Variants in SH3RF2 observed in about 807,000 individuals in gnomAD.
SH3RF2 encodes the protein E3 ubiquitin-protein ligase SH3RF2.
A neutral mutation model predicts 59.0 loss-of-function variants in SH3RF2; 43 were observed. The ratio of observed to expected loss-of-function variants is 0.73; its 90% CI spans 0.57 to 0.94. The LOEUF is 0.94. Ranked by LOEUF, SH3RF2 falls within the 40% of genes least tolerant of loss-of-function variation. The pLI is 0.00. For synonymous variants in SH3RF2, 391 were observed against 391.5 expected, an observed-to-expected ratio of 1.00 and a Z score of 0.01; for missense variants, 930 against 940.1, an observed-to-expected ratio of 0.99 and a Z score of 0.14.
In SH3RF2 at chr5:146,059,534, G is replaced by A. The variant is rs145416656; in HGVS notation, c.1556-332G>A. On this transcript the variant is annotated intron_variant, in intron 8 of 9. Coordinates refer to ENST00000359120, the MANE Select transcript of SH3RF2 (RefSeq NM_152550.4). ...CTGCCTCTGTGTCTGCTTCACGCGC[G>A]CGTGTGTGTGTGTACGTGTGTGTGT... 2.0e-4 allele frequency among the ~76,000 whole-genome samples: 30 copies of A among 150,792 alleles called. No homozygotes were observed. The East Asian group carries it at 5.0e-3, about 25-fold the overall frequency.
intron 2 of SH3RF2, among the ~76,000 whole-genome samples, chr5:145,967,566 T>A (rs145915860): frequency 6.6e-6 from 1 of 152,238 alleles, no homozygotes; most frequent in South Asian, 2.1e-4. Flanking sequence ...TTGGTGCAGG[T>A]TCTTGACCAC....
downstream of SH3RF2, among the ~76,000 whole-genome samples, chr5:146,064,052 C>G (rs1046828241): frequency 6.6e-6 from 1 of 151,896 alleles, no homozygotes; most frequent in Admixed American, 6.6e-5. Context: ...CATGGCAGCC[C>G]GAGGCTGGGG....
rs146420727 is a variant in SH3RF2, at chr5:145,979,510, T to C, written c.379-20548T>C. Among the ~76,000 whole-genome samples the C allele has an allele frequency of 2.0e-5, 3 of 152,324 alleles. No homozygotes were observed. In the East Asian group the frequency reaches 5.8e-4, roughly 29 times the overall value. The stretch of plus-strand genomic sequence containing the variant: ...TAAGTTATCTTACTGCTCTAAGTAG[T>C]GGTGTGCTGGTAAATGTTTAACAAG... On this transcript the variant is annotated intron_variant, in intron 2 of 9. Transcript: ENST00000359120.
At chr5:145,962,990 T>C (rs1223997016) in intron 2 of SH3RF2, among the ~76,000 whole-genome samples, 1 of 149,266 alleles carries the variant, frequency 6.7e-6, no homozygotes, top group African/African-American at 2.5e-5. Context: ...CTCTGCCTCC[T>C]GGGTTCACAC....
chr5:145,993,975 T>G (rs556683184), intron 2 of SH3RF2, among the ~76,000 whole-genome samples: 1 of 152,344 alleles, frequency 6.6e-6, no homozygotes, highest in East Asian at 1.9e-4. Flanking sequence ...TTAGTTTCCC[T>G]TATAAAACTG....
chr5:146,001,634 A>G (rs151044903), intron 3 of SH3RF2, among the ~76,000 whole-genome samples: 9 of 152,330 alleles, frequency 5.9e-5, no homozygotes, highest in African/African-American at 2.2e-4. Context: ...AGGAAGTATC[A>G]TCGTCTGCCT....
intron 2 of SH3RF2, among the ~76,000 whole-genome samples, chr5:145,996,417 G>T (rs1210746394): frequency 1.3e-5 from 2 of 152,154 alleles, no homozygotes; most frequent in Non-Finnish European, 2.9e-5. Flanking sequence ...ACTGGAGTGA[G>T]GCCATTTCTA....
chr5:146,056,104 C>T lies in SH3RF2; in HGVS notation c.1446C>T (p.Phe482=). 6.2e-7 allele frequency: 1 copy of T among 1,614,244 alleles called. No homozygotes were observed. The highest frequency in any genetic ancestry group is 8.5e-7 in the Non-Finnish European group (1 of 1,180,048). The change falls in exon 8 of 10, where the codon TTC becomes TTT. Residue 482 remains phenylalanine, a synonymous_variant. Transcript: ENST00000359120. ...GTGATCCACGGCAAAGCCGTCCCTT[C>T]AAATCCGTCTTTGTGCCCACTGCCA... ...SEGDPRQSRP[F]KSVFVPTAIV...
chr5:146,017,221 CTGAG>C (rs528597976), intron 5 of SH3RF2, among the ~76,000 whole-genome samples: 16 of 152,300 alleles, frequency 1.1e-4, no homozygotes, highest in African/African-American at 3.6e-4. Flanking sequence ...CCTGAAGATA[CTGAG>C]TAAGTTCGGT....
chr5:146,012,812 G>A (rs1580858694), intron 4 of SH3RF2, among the ~76,000 whole-genome samples: 1 of 152,060 alleles, frequency 6.6e-6, no homozygotes. Context: ...GGACCTATAC[G>A]GTGGGGAAGA....
chr5:146,079,719 T>A (rs1042708996), exon 10 of SH3RF2: 4 of 152,194 alleles, frequency 2.6e-5, no homozygotes, highest in Non-Finnish European at 5.9e-5. Flanking sequence ...ATGCGATGAA[T>A]AATTTGGACT....
chr5:145,965,491 G>A (rs954142362), intron 2 of SH3RF2, among the ~76,000 whole-genome samples: 1 of 152,054 alleles, frequency 6.6e-6, no homozygotes, highest in African/African-American at 2.4e-5. Context: ...GGACTAGGGT[G>A]GGGCAATTTC....
intron 2 of SH3RF2, among the ~76,000 whole-genome samples, chr5:145,996,993 G>A (rs1342866731): frequency 6.6e-6 from 1 of 152,190 alleles, no homozygotes; most frequent in African/African-American, 2.4e-5. Context: ...AGTTATTAAT[G>A]TTATGTAGGT....
chr5:146,028,600 C>A (rs1217384663), intron 5 of SH3RF2, among the ~76,000 whole-genome samples: 1 of 79,462 alleles, frequency 1.3e-5, no homozygotes, highest in Non-Finnish European at 3.9e-5. Flanking sequence ...TAGCACCCAC[C>A]ACCACCACCC....
chr5:146,047,192 C>T (rs1181993440), intron 5 of SH3RF2, among the ~76,000 whole-genome samples: 1 of 98,184 alleles, frequency 1.0e-5, no homozygotes, highest in East Asian at 2.8e-4. Flanking sequence ...TAGCAATAGT[C>T]AATAATAAGA....
At chr5:146,016,436 T>C (rs1430511675) in intron 5 of SH3RF2, among the ~76,000 whole-genome samples, 8 of 152,144 alleles carry the variant, frequency 5.3e-5, no homozygotes, top group Middle Eastern at 3.4e-3. Context: ...AATAGATAGA[T>C]AGATAAATAG....
intron 3 of SH3RF2, among the ~76,000 whole-genome samples, chr5:146,002,790 C>A (rs1010217708): frequency 1.3e-5 from 2 of 152,288 alleles, no homozygotes; most frequent in East Asian, 1.9e-4. Context: ...TTGTGAACTG[C>A]GCATGCAAGG....
intron 5 of SH3RF2, among the ~76,000 whole-genome samples, chr5:146,043,283 T>C (rs1219814228): frequency 2.6e-5 from 4 of 152,176 alleles, no homozygotes; most frequent in Non-Finnish European, 5.9e-5. Context: ...GATCCATAGG[T>C]TCCCATTCTT....
intron 8 of SH3RF2, among the ~76,000 whole-genome samples, chr5:146,059,559 T>C (rs561255179): frequency 0.014 from 2,076 of 152,060 alleles, 29 homozygotes; most frequent in Middle Eastern, 0.048. Context: ...CGTGTGTGTG[T>C]GCGTGTGTGT....
Sources: gnomAD v4.1 joint callset for allele counts (sites outside exome capture counted in the v4.1 genomes callset) on GRCh38, gnomAD v4.1.1 for gene constraint, MANE v1.5 for transcripts, NCBI Gene and HGNC (gene_info 2026-07-23, HGNC 2026-07-21) for gene names.